The following HK1 variants were observed in gnomAD, a reference collection of about 807,000 sequenced individuals.
HK1 encodes hexokinase-1.
A neutral mutation model predicts 91.6 loss-of-function variants in HK1; 28 were observed. The observed-to-expected ratio is 0.31, with a 90% CI of 0.23 to 0.42. The LOEUF is 0.42. Ranked by LOEUF, HK1 falls within the 10% of genes least tolerant of loss-of-function variation. The probability of loss-of-function intolerance (pLI) is 1.00; values close to 1 mark genes in which losing one functional copy is unlikely to be tolerated. For synonymous variants in HK1, 430 were observed against 468.1 expected (o/e 0.92, Z 1.05); for missense variants, 770 against 1,219.8 (o/e 0.63, Z 5.49).
At chr10:69,392,334 CT>C in intron 15 of HK1, 26 bp downstream of exon 15, 1 of 1,613,342 alleles carries the variant, frequency 6.2e-7, no homozygotes, top group Non-Finnish European at 8.5e-7. Context: ...GGAGAGGACA[CT>C]CACAGTCAGG....
intron 1 of HK1, among the ~76,000 whole-genome samples, chr10:69,340,383 G>A (rs1325268595): frequency 1.3e-5 from 2 of 152,132 alleles, no homozygotes; most frequent in African/African-American, 4.8e-5. Context: ...CTGAGTAGCT[G>A]GGATTACAGG....
intron 3 of HK1, among the ~76,000 whole-genome samples, chr10:69,292,720 G>C (rs184556877): frequency 1.2e-4 from 19 of 152,276 alleles, no homozygotes; most frequent in Admixed American, 1.0e-3. Flanking sequence ...ATTCGTATTC[G>C]TATTTTTCCC....
intron 7 of HK1, among the ~76,000 whole-genome samples, chr10:69,371,294 A>G (rs1217090168): frequency 6.6e-6 from 1 of 151,902 alleles, no homozygotes; most frequent in Non-Finnish European, 1.5e-5. Context: ...CAAAGCTCTG[A>G]CAGTCAAAGG....
chr10:69,344,110 C>A, intron 2 of HK1, 121 bp downstream of exon 2: 1 of 983,824 alleles, frequency 1.0e-6, no homozygotes, highest in Non-Finnish European at 1.6e-6. Flanking sequence ...AATCTGCTCT[C>A]CCATCCATCC....
At chr10:69,400,388 G>A (rs1840331940) in intron 17 of HK1, among the ~76,000 whole-genome samples, 1 of 152,230 alleles carries the variant, frequency 6.6e-6, no homozygotes, top group Non-Finnish European at 1.5e-5. Context: ...TTCAGCCTTT[G>A]TTCAGATACT....
At chr10:69,305,659 A>T (rs953764853) in intron 5 of HK1, among the ~76,000 whole-genome samples, 1 of 151,928 alleles carries the variant, frequency 6.6e-6, no homozygotes, top group Non-Finnish European at 1.5e-5. Context: ...GTTCGAGACC[A>T]GCCTGGAACA....
intron 2 of HK1, among the ~76,000 whole-genome samples, chr10:69,351,039 G>A (rs575462281): frequency 1.7e-3 from 260 of 151,314 alleles, no homozygotes; most frequent in African/African-American, 6.1e-3. Context: ...GCTGGGCGTG[G>A]TGGCGGGCTC....
chr10:69,341,205 A>C (rs1308351364), intron 1 of HK1, among the ~76,000 whole-genome samples: 1 of 151,660 alleles, frequency 6.6e-6, no homozygotes, highest in East Asian at 1.9e-4. Flanking sequence ...TCTGTCACCC[A>C]GGCTGGGGTA....
intron 2 of HK1, 130 bp downstream of exon 2, chr10:69,344,119 C>T: frequency 1.1e-6 from 1 of 894,428 alleles, no homozygotes; most frequent in South Asian, 1.4e-5. Flanking sequence ...TCCCATCCAT[C>T]CATCCATCCA....
intron 1 of HK1, among the ~76,000 whole-genome samples, chr10:69,270,293 A>G (rs1459737477): frequency 6.6e-6 from 1 of 152,000 alleles, no homozygotes; most frequent in Non-Finnish European, 1.5e-5. Context: ...CCTTCTAAGC[A>G]TCTTTGGCTG....
chr10:69,327,899 A>G (rs1423894561), intron 1 of HK1, among the ~76,000 whole-genome samples: 2 of 152,206 alleles, frequency 1.3e-5, no homozygotes, highest in East Asian at 1.9e-4. Context: ...TGACAGCTCC[A>G]TGGACTGCTG....
At chr10:69,315,057 A>G (rs1177832432), upstream of HK1, among the ~76,000 whole-genome samples, 12 of 152,194 alleles carry the variant, frequency 7.9e-5, no homozygotes, top group Non-Finnish European at 1.6e-4. Context: ...CCTCATTTCA[A>G]TTTAAGAAAA....
chr10:69,384,725 A>G (rs1446457673), intron 11 of HK1, 71 bp from the exon 12 acceptor site: 2 of 1,602,778 alleles, frequency 1.2e-6, no homozygotes, highest in Non-Finnish European at 1.7e-6. Context: ...GTGTATACAC[A>G]CTTTGGTCCA....
chr10:69,338,537 A>G lies in HK1; in HGVS notation c.64-5290A>G, dbSNP rs570355751. On this transcript the variant is annotated intron_variant, in intron 1 of 17. Coordinates refer to ENST00000359426, the MANE Select transcript of HK1 (RefSeq NM_000188.3). ...GAGGCTTGCAGTGGAAGCAGCTGGAAGTGGTGCTGTGCGGTGTCCTCCCCA... is the reference window on the plus strand; with the variant it reads ...GAGGCTTGCAGTGGAAGCAGCTGGAGGTGGTGCTGTGCGGTGTCCTCCCCA... 21 of 1,289,782 alleles carry G rather than the reference A, an allele frequency of 1.6e-5. No homozygotes were observed. The African/African-American group carries it at 3.2e-4, about 20-fold the overall frequency. The allele number at this position is 1,289,782 out of a possible 1,614,324, so 79.9% of individuals were successfully genotyped here.
chr10:69,359,776 T>A, intron 2 of HK1, 121 bp from the exon 3 acceptor site: 1 of 935,200 alleles, frequency 1.1e-6, no homozygotes, highest in Non-Finnish European at 1.8e-6. Flanking sequence ...GCTTTCTGGC[T>A]GATAACAGCA....
intron 5 of HK1, among the ~76,000 whole-genome samples, chr10:69,302,445 GC>G (rs1845923694): frequency 6.8e-6 from 1 of 146,950 alleles, no homozygotes; most frequent in African/African-American, 2.5e-5. Flanking sequence ...TGCGATCTCA[GC>G]TCACTGCAAT....
chr10:69,365,536 A>G (rs1294079046), intron 4 of HK1, among the ~76,000 whole-genome samples: 2 of 152,186 alleles, frequency 1.3e-5, no homozygotes, highest in Admixed American at 6.5e-5. Flanking sequence ...AAAGACAGAA[A>G]CCACACACAC....
At chr10:69,366,094 G>A (rs966748051) in intron 4 of HK1, among the ~76,000 whole-genome samples, 19 of 152,284 alleles carry the variant, frequency 1.2e-4, no homozygotes, top group African/African-American at 3.8e-4. Context: ...GCCCCTCAAA[G>A]TGCTGGGATT....
At chr10:69,276,118 A>AAAAAAATATATATATATATATAT in intron 1 of HK1, among the ~76,000 whole-genome samples, 8 of 38,272 alleles carry the variant, frequency 2.1e-4, no homozygotes, top group Admixed American at 5.6e-4. Context: ...AAAAAAAAAA[A>AAAAAAATATATATATATATATAT]ATACATATAT....
Sources: gnomAD v4.1 joint callset for allele counts (sites outside exome capture counted in the v4.1 genomes callset) on GRCh38, gnomAD v4.1.1 for gene constraint, MANE v1.5 for transcripts, NCBI Gene and HGNC (gene_info 2026-07-23, HGNC 2026-07-21) for gene names.